SCAI: variants seen among roughly 807,000 people sequenced by gnomAD.
SCAI encodes suppressor of cancer cell invasion.
A neutral mutation model predicts 92.2 loss-of-function variants in SCAI; 24 were observed. The observed-to-expected ratio is 0.26, with a 90% CI of 0.19 to 0.37. The LOEUF (loss-of-function observed/expected upper bound fraction) is 0.37, where lower values mean the gene tolerates loss of function less well. Ranked by LOEUF, SCAI falls within the 10% of genes least tolerant of loss-of-function variation. SCAI has a pLI of 1.00. For synonymous variants in SCAI, 261 were observed against 258.6 expected, an observed-to-expected ratio of 1.01 and a Z score of -0.09; for missense variants, 450 against 736.2, an observed-to-expected ratio of 0.61 and a Z score of 4.50.
At chr9:124,976,073 A>G in intron 15 of SCAI, 41 bp downstream of exon 15, 1 of 1,278,824 alleles carries the variant, frequency 7.8e-7, no homozygotes. Flanking sequence ...GATAGTGTTT[A>G]TTTGCAACCT....
intron 14 of SCAI, among the ~76,000 whole-genome samples, chr9:124,990,240 G>T (rs1274068085): frequency 3.9e-5 from 6 of 152,048 alleles, no homozygotes; most frequent in African/African-American, 1.4e-4. Flanking sequence ...TGTAATTCTA[G>T]CACTCTGGGA....
chr9:125,063,501 G>T (rs904037905), intron 2 of SCAI, among the ~76,000 whole-genome samples: 3 of 151,712 alleles, frequency 2.0e-5, no homozygotes, highest in African/African-American at 7.3e-5. Context: ...AATGAACTAA[G>T]TAATAAAATT....
intron 3 of SCAI, among the ~76,000 whole-genome samples, chr9:125,054,616 C>A (rs538154489): frequency 6.0e-5 from 9 of 150,450 alleles, no homozygotes; most frequent in African/African-American, 9.7e-5. Flanking sequence ...AAGATTTAAA[C>A]CCCAGGCATA....
chr9:125,061,796 GA>G (rs1182303724), intron 2 of SCAI, among the ~76,000 whole-genome samples: 4 of 150,986 alleles, frequency 2.6e-5, no homozygotes, highest in Non-Finnish European at 5.9e-5. Flanking sequence ...GAAAAGAAAA[GA>G]AAAAAATATA....
At chr9:124,987,276 C>T (rs1175277302) in intron 14 of SCAI, among the ~76,000 whole-genome samples, 1 of 152,170 alleles carries the variant, frequency 6.6e-6, no homozygotes, top group Non-Finnish European at 1.5e-5. Context: ...CCTGCCTCGG[C>T]CTCCCAAAGT....
chr9:125,043,138 A>G (rs360197), intron 3 of SCAI, among the ~76,000 whole-genome samples: 109,544 of 151,892 alleles, frequency 0.72, 39,991 homozygotes, highest in African/African-American at 0.81. Flanking sequence ...AAAGTGCTGG[A>G]ATTACAGGCG....
intron 2 of SCAI, among the ~76,000 whole-genome samples, chr9:125,099,839 C>A (rs902085727): frequency 1.3e-5 from 2 of 152,222 alleles, no homozygotes; most frequent in African/African-American, 4.8e-5. Flanking sequence ...CTTCAACGTT[C>A]ATCCATGTTG....
chr9:125,124,378 T>C (rs1171719373), intron 2 of SCAI, among the ~76,000 whole-genome samples: 1 of 152,138 alleles, frequency 6.6e-6, no homozygotes, highest in Admixed American at 6.6e-5. Flanking sequence ...GTCAGTAAGC[T>C]AGAGACCCAA....
intron 9 of SCAI, among the ~76,000 whole-genome samples, chr9:125,011,625 AG>A (rs1308518891): frequency 6.6e-6 from 1 of 152,246 alleles, no homozygotes; most frequent in East Asian, 1.9e-4. Context: ...ATTATCCAGG[AG>A]AACTTCCCCA....
intron 2 of SCAI, among the ~76,000 whole-genome samples, chr9:125,103,611 G>GTT (rs1197544445): frequency 6.6e-6 from 1 of 152,108 alleles, no homozygotes; most frequent in African/African-American, 2.4e-5. Flanking sequence ...ACAGTCTCAG[G>GTT]TTAAACAACT....
At chr9:124,998,707 G>A (rs987079489) in intron 13 of SCAI, among the ~76,000 whole-genome samples, 2 of 151,848 alleles carry the variant, frequency 1.3e-5, no homozygotes, top group South Asian at 2.1e-4. Context: ...CTGCAACCTC[G>A]ACCTAATGGG....
At chr9:125,096,349 C>A (rs1174666739) in intron 2 of SCAI, among the ~76,000 whole-genome samples, 1 of 152,154 alleles carries the variant, frequency 6.6e-6, no homozygotes. Context: ...TACCTCCCAC[C>A]GGGTCCCTCC....
chr9:125,011,808 G>A (rs887103820), intron 9 of SCAI, among the ~76,000 whole-genome samples: 12 of 152,210 alleles, frequency 7.9e-5, no homozygotes, highest in Non-Finnish European at 1.6e-4. Flanking sequence ...ACAAAGGGAA[G>A]CCCATCAGAC....
At chr9:124,960,533 C>A (rs924909925) in intron 17 of SCAI, among the ~76,000 whole-genome samples, 4 of 152,192 alleles carry the variant, frequency 2.6e-5, no homozygotes, top group Non-Finnish European at 4.4e-5. Flanking sequence ...TGGAATGAAT[C>A]TCAAGCACAA....
intron 2 of SCAI, among the ~76,000 whole-genome samples, chr9:125,075,775 G>A (rs1834078128): frequency 6.6e-6 from 1 of 152,122 alleles, no homozygotes; most frequent in Admixed American, 6.5e-5. Context: ...ATGTTGACCA[G>A]GCTGGTATTG....
chr9:125,089,860 A>T (rs1012059748), intron 2 of SCAI, among the ~76,000 whole-genome samples: 1 of 151,426 alleles, frequency 6.6e-6, no homozygotes, highest in African/African-American at 2.4e-5. Context: ...TTAGGAAGAT[A>T]AAAAAAAAGA....
At chr9:124,968,328 A>G in intron 17 of SCAI, 1 of 1,234,882 alleles carries the variant, frequency 8.1e-7, no homozygotes, top group Non-Finnish European at 1.2e-6. Flanking sequence ...CAAGGAAGAC[A>G]AGTCCAGTTT....
At chr9:125,096,942 C>A (rs927818946) in intron 2 of SCAI, among the ~76,000 whole-genome samples, 1 of 152,184 alleles carries the variant, frequency 6.6e-6, no homozygotes, top group African/African-American at 2.4e-5. Context: ...TTCCAGGATA[C>A]ATGGTTGCCT....
intron 2 of SCAI, among the ~76,000 whole-genome samples, chr9:125,129,012 G>A (rs113919047): frequency 0.031 from 4,749 of 152,044 alleles, 251 homozygotes; most frequent in African/African-American, 0.11. Context: ...TCAGTGCACC[G>A]AGATCACGCC....
Sources: allele counts gnomAD v4.1 joint callset (sites outside exome capture counted in the v4.1 genomes callset), GRCh38; gene constraint gnomAD v4.1.1; transcripts MANE v1.5; gene names NCBI Gene and HGNC (gene_info 2026-07-23, HGNC 2026-07-21).